RABGAP1: variants seen among roughly 807,000 people sequenced by gnomAD.
RABGAP1 encodes the protein rab GTPase-activating protein 1.
Under a neutral mutation model 137.6 loss-of-function variants are expected in RABGAP1, and 23 were observed. The ratio of observed to expected loss-of-function variants is 0.17; its 90% CI spans 0.12 to 0.24. The LOEUF (loss-of-function observed/expected upper bound fraction) is 0.24. Ranked by LOEUF, RABGAP1 falls within the 10% of genes least tolerant of loss-of-function variation. The pLI is 1.00. For synonymous variants in RABGAP1, 451 were observed against 450.7 expected (o/e 1.00, Z -0.01); for missense variants, 906 against 1,275.8 (o/e 0.71, Z 4.42).
At chr9:123,027,705 TC>T (rs781288590) in intron 13 of RABGAP1, among the ~76,000 whole-genome samples, 11 of 152,226 alleles carry the variant, frequency 7.2e-5, no homozygotes, top group Non-Finnish European at 8.8e-5. Context: ...CATTTCCTCT[TC>T]TCTGAACTGA....
intron 13 of RABGAP1, among the ~76,000 whole-genome samples, chr9:123,032,144 C>A (rs915142966): frequency 6.6e-6 from 1 of 152,186 alleles, no homozygotes; most frequent in Admixed American, 6.5e-5. Context: ...AAAACACTGG[C>A]TCTTAAGGAA....
chr9:123,077,214 A>G (rs1382823296), intron 19 of RABGAP1, among the ~76,000 whole-genome samples: 1 of 150,602 alleles, frequency 6.6e-6, no homozygotes, highest in Non-Finnish European at 1.5e-5. Context: ...CAGTGGCACA[A>G]TCATAGCTCA....
intron 24 of RABGAP1, among the ~76,000 whole-genome samples, chr9:123,100,383 A>ATGTGTGTGTG (rs56811028): frequency 8.9e-4 from 122 of 136,570 alleles, no homozygotes; most frequent in Admixed American, 3.3e-3. Context: ...GTTTAACCAG[A>ATGTGTGTGTG]TGTGTGTGTG....
intron 21 of RABGAP1, among the ~76,000 whole-genome samples, chr9:123,095,949 A>C (rs1229797703): frequency 6.6e-6 from 1 of 152,192 alleles, no homozygotes; most frequent in East Asian, 1.9e-4. Flanking sequence ...TAATCCTTTT[A>C]GAATATACCA....
At chr9:123,036,339 T>C (rs564540401) in intron 13 of RABGAP1, among the ~76,000 whole-genome samples, 1 of 152,350 alleles carries the variant, frequency 6.6e-6, no homozygotes, top group East Asian at 1.9e-4. Flanking sequence ...TATGTGTGCG[T>C]AGAAGTAATC....
At chr9:122,934,081 C>CTTTT in the RABGAP1 span, among the ~76,000 whole-genome samples, 172 of 139,694 alleles carry the variant, frequency 1.2e-3, no homozygotes, top group Admixed American at 9.7e-3. Flanking sequence ...CTTTTCTTTT[C>CTTTT]TTTTTTTTTT....
At chr9:123,059,891 G>T (rs1042589373) in intron 13 of RABGAP1, among the ~76,000 whole-genome samples, 2 of 152,194 alleles carry the variant, frequency 1.3e-5, no homozygotes, top group African/African-American at 2.4e-5. Flanking sequence ...AGCCCAAAGC[G>T]ACTAAGACAA....
At chr9:123,036,993 C>T (rs1412422541) in intron 13 of RABGAP1, among the ~76,000 whole-genome samples, 1 of 152,128 alleles carries the variant, frequency 6.6e-6, no homozygotes, top group Non-Finnish European at 1.5e-5. Context: ...ATTCCGGCAG[C>T]TCCAGGCACG....
At chr9:123,029,149 G>A (rs557655935) in intron 13 of RABGAP1, among the ~76,000 whole-genome samples, 6 of 152,258 alleles carry the variant, frequency 3.9e-5, no homozygotes, top group Admixed American at 3.9e-4. Context: ...TTCAGAGGTA[G>A]AGTCCTTGGC....
intron 2 of RABGAP1, among the ~76,000 whole-genome samples, chr9:122,969,424 A>C (rs1301880106): frequency 6.6e-6 from 1 of 152,220 alleles, no homozygotes; most frequent in Non-Finnish European, 1.5e-5. Context: ...CCAAATTTAA[A>C]ATATTTCCTC....
At chr9:122,936,517 T>G (rs1833389331), upstream of RABGAP1, among the ~76,000 whole-genome samples, 1 of 152,250 alleles carries the variant, frequency 6.6e-6, no homozygotes, top group Non-Finnish European at 1.5e-5. Flanking sequence ...AGCTTTAGTG[T>G]GATACCAGCT....
At chr9:123,071,767 T>C in intron 15 of RABGAP1, among the ~76,000 whole-genome samples, 1 of 152,154 alleles carries the variant, frequency 6.6e-6, no homozygotes, top group Non-Finnish European at 1.5e-5. Context: ...TTCAAAATGT[T>C]GTTATGAAAA....
chr9:122,968,576 A>ACAG (rs1025041336), intron 2 of RABGAP1, among the ~76,000 whole-genome samples: 4 of 152,096 alleles, frequency 2.6e-5, no homozygotes, highest in Admixed American at 6.6e-5. Flanking sequence ...TTTTACCAGC[A>ACAG]CAGTTATACT....
chr9:123,030,607 T>C (rs1490041076), intron 13 of RABGAP1, among the ~76,000 whole-genome samples: 1 of 152,188 alleles, frequency 6.6e-6, no homozygotes, highest in African/African-American at 2.4e-5. Flanking sequence ...TTTTGATACA[T>C]ATAGTATATA....
intron 19 of RABGAP1, among the ~76,000 whole-genome samples, chr9:123,085,957 G>A (rs1564186078): frequency 6.6e-6 from 1 of 152,138 alleles, no homozygotes; most frequent in Non-Finnish European, 1.5e-5. Context: ...ATTTTTATGA[G>A]TCCCAACTAC....
At chr9:123,073,987 A>T (rs2034437854) in intron 16 of RABGAP1, among the ~76,000 whole-genome samples, 1 of 152,076 alleles carries the variant, frequency 6.6e-6, no homozygotes, top group Non-Finnish European at 1.5e-5. Flanking sequence ...TAGGAATCTC[A>T]TAACAAAAGT....
At chr9:123,030,006 CTTTTT>C (rs2032207998) in intron 13 of RABGAP1, among the ~76,000 whole-genome samples, 1 of 152,110 alleles carries the variant, frequency 6.6e-6, no homozygotes, top group Non-Finnish European at 1.5e-5. Flanking sequence ...TTCTGCTTTT[CTTTTT>C]AAGCCTGTCA....
intron 17 of RABGAP1, among the ~76,000 whole-genome samples, chr9:123,075,444 TAAAG>T (rs2034481053): frequency 6.6e-6 from 1 of 152,224 alleles, no homozygotes; most frequent in Admixed American, 6.5e-5. Context: ...CAAAAATTCA[TAAAG>T]AATTTGTATC....
At chr9:123,099,407 C>T in intron 23 of RABGAP1, 71 bp from the exon 24 acceptor site, 3 of 1,382,424 alleles carry the variant, frequency 2.2e-6, no homozygotes, top group Non-Finnish European at 3.1e-6. Context: ...CATATTCCAG[C>T]TTCCACTATG....
Sources: allele counts gnomAD v4.1 joint callset (sites outside exome capture counted in the v4.1 genomes callset), GRCh38; gene constraint gnomAD v4.1.1; transcripts MANE v1.5; gene names NCBI Gene and HGNC (gene_info 2026-07-23, HGNC 2026-07-21).